Variants in PRKAR1B observed in about 807,000 individuals in gnomAD.
PRKAR1B encodes the protein cAMP-dependent protein kinase type I-beta regulatory subunit.
Under a neutral mutation model 46.5 loss-of-function variants are expected in PRKAR1B, and 22 were observed. The ratio of observed to expected loss-of-function variants is 0.47; its 90% CI spans 0.34 to 0.68. PRKAR1B has a LOEUF of 0.68. Ranked by LOEUF, PRKAR1B falls within the 30% of genes least tolerant of loss-of-function variation. The pLI is 0.01. For missense variants in PRKAR1B, 445 were observed against 535.6 expected, an observed-to-expected ratio of 0.83 and a Z score of 1.67; for synonymous variants, 259 against 217.7, an observed-to-expected ratio of 1.19 and a Z score of -1.67.
intron 9 of PRKAR1B, among the ~76,000 whole-genome samples, chr7:577,810 C>G (rs1047001447): frequency 3.9e-5 from 6 of 152,194 alleles, no homozygotes; most frequent in Non-Finnish European, 7.3e-5. Flanking sequence ...ATTCAAGGGC[C>G]AGCAGGAGGT....
At chr7:579,062 G>A (rs1780028899) in intron 9 of PRKAR1B, 194 bp downstream of exon 9, 4 of 985,356 alleles carry the variant, frequency 4.1e-6, no homozygotes, top group African/African-American at 1.7e-5. Flanking sequence ...TGATGCTAGA[G>A]GGCAGGAGGA....
At chr7:720,972 G>C (rs541877955) in intron 1 of PRKAR1B, among the ~76,000 whole-genome samples, 1 of 152,162 alleles carries the variant, frequency 6.6e-6, no homozygotes, top group African/African-American at 2.4e-5. Flanking sequence ...TAGGGCTTAC[G>C]CTTGCCATTT....
At chr7:572,662 G>A (rs1779586635) in intron 9 of PRKAR1B, among the ~76,000 whole-genome samples, 1 of 152,248 alleles carries the variant, frequency 6.6e-6, no homozygotes, top group Non-Finnish European at 1.5e-5. Flanking sequence ...GCAAGGCACA[G>A]CAGGCTGCCA....
At chr7:713,145 T>C (rs1476123156) in intron 1 of PRKAR1B, 1 of 152,450 alleles carries the variant, frequency 6.6e-6, no homozygotes, top group Non-Finnish European at 1.5e-5. Context: ...GGAAAGGGAA[T>C]CAACCTCATC....
intron 4 of PRKAR1B, among the ~76,000 whole-genome samples, chr7:647,805 CAAAAAAAAAAAA>C (rs769761277): frequency 1.0e-3 from 18 of 17,888 alleles, no homozygotes; most frequent in Non-Finnish European, 1.7e-3. Context: ...ACTTCGTCTC[CAAAAAAAAAAAA>C]AAAAAAAAAA....
intron 1 of PRKAR1B, among the ~76,000 whole-genome samples, chr7:717,750 T>G (rs549882815): frequency 1.3e-5 from 2 of 152,018 alleles, no homozygotes; most frequent in Non-Finnish European, 2.9e-5. Flanking sequence ...CACGGGAAAT[T>G]TTGCCACAAA....
chr7:646,660 C>T (rs1008066423), intron 4 of PRKAR1B, among the ~76,000 whole-genome samples: 1 of 152,218 alleles, frequency 6.6e-6, no homozygotes, highest in Non-Finnish European at 1.5e-5. Context: ...TCACGCTTCT[C>T]CCTCTGAACC....
At chr7:550,631 G>T (rs867210835) in intron 10 of PRKAR1B, 29 bp from the exon 11 acceptor site, 1 of 1,508,138 alleles carries the variant, frequency 6.6e-7, no homozygotes. Flanking sequence ...GGTCAGGGCT[G>T]GGCCTGGGGG....
intron 2 of PRKAR1B, among the ~76,000 whole-genome samples, chr7:697,364 C>T (rs1438258903): frequency 2.0e-5 from 3 of 151,738 alleles, no homozygotes; most frequent in African/African-American, 7.3e-5. Context: ...GTCCTGCCTG[C>T]GGCCCGGTTC....
chr7:551,523 G>A (rs1784195935), intron 9 of PRKAR1B, 53 bp from the exon 10 acceptor site: 1 of 1,522,154 alleles, frequency 6.6e-7, no homozygotes, highest in Non-Finnish European at 8.9e-7. Flanking sequence ...TGCAGGGTGG[G>A]ACACACGTGA....
chr7:580,961 G>T (rs191835558), intron 8 of PRKAR1B, among the ~76,000 whole-genome samples: 1 of 152,080 alleles, frequency 6.6e-6, no homozygotes, highest in Non-Finnish European at 1.5e-5. Context: ...CATAGGGAAG[G>T]GGGGCGAGGA....
At chr7:608,431 G>C (rs1172214049) in intron 4 of PRKAR1B, 4 of 152,278 alleles carry the variant, frequency 2.6e-5, no homozygotes, top group African/African-American at 9.6e-5. Flanking sequence ...CAAAGATCCA[G>C]ACAGCCCTGA....
intron 4 of PRKAR1B, among the ~76,000 whole-genome samples, chr7:673,076 A>AAAAAC (rs1409072522): frequency 1.8e-4 from 26 of 145,098 alleles, no homozygotes; most frequent in Middle Eastern, 3.7e-3. Context: ...AAAAAAAAAA[A>AAAAAC]AACACACACA....
At chr7:717,623 A>C (rs1370973962) in intron 1 of PRKAR1B, among the ~76,000 whole-genome samples, 2 of 150,974 alleles carry the variant, frequency 1.3e-5, no homozygotes, top group African/African-American at 4.9e-5. Context: ...GCGCCACTGC[A>C]CTCCAGCCTG....
rs375170253 is a variant in PRKAR1B, at chr7:593,318, C to T, written c.708+2828G>A. Among the ~76,000 whole-genome samples, 1 of 152,152 alleles carries T rather than the reference C, an allele frequency of 6.6e-6. No individual in the cohort carries two copies. Among genetic ancestry groups the T allele is most frequent in the African/African-American group, 2.4e-5 (1 of 41,436 alleles). On this transcript the variant is annotated intron_variant, in intron 7 of 10. Transcript: ENST00000537384. This position sits in a 1 kb window ranked among gnomAD's most constrained non-coding sequence, Gnocchi z 6.1. ...CCCCAGGTCCCAGCACGTCCCAGCTCGGGACTAAGGCAGAAACAGGAGCTG... is the reference window on the plus strand; with the variant it reads ...CCCCAGGTCCCAGCACGTCCCAGCTTGGGACTAAGGCAGAAACAGGAGCTG...
chr7:659,294 T>C (rs961221212), intron 4 of PRKAR1B, among the ~76,000 whole-genome samples: 1 of 152,216 alleles, frequency 6.6e-6, no homozygotes, highest in Non-Finnish European at 1.5e-5. Flanking sequence ...GTGTTGCGCA[T>C]GCAGTATCTT....
intron 3 of PRKAR1B, among the ~76,000 whole-genome samples, 173 bp from the exon 4 acceptor site, chr7:677,493 C>G (rs1019497059): frequency 6.6e-6 from 1 of 152,178 alleles, no homozygotes; most frequent in African/African-American, 2.4e-5. Context: ...GAGTCTTGAT[C>G]ACAGCTCACT....
At position 635,940 on chromosome 7, in the gene PRKAR1B, A is replaced by T. The variant is rs561397519; in HGVS notation, c.441-28488T>A. ...TTGTAAAAGTACCAGCACCGCGCCC[A>T]CACATCCTCCACCGGCCGCGCCCTC... On this transcript the variant is annotated intron_variant, in intron 4 of 10. Coordinates refer to ENST00000537384, the MANE Select transcript of PRKAR1B (RefSeq NM_001164760.2). Among the ~76,000 whole-genome samples, 169 of 142,696 alleles carry T rather than the reference A, an allele frequency of 1.2e-3. 2 individuals carry two copies. The highest frequency in any genetic ancestry group is 3.3e-3 in the African/African-American group (129 of 38,898). 93.6% of individuals were successfully genotyped at this position (142,696 alleles called of 152,430 possible). A position where few individuals can be genotyped will look rare whatever the true frequency, so the allele number is the denominator to read the frequency against.
intron 9 of PRKAR1B, among the ~76,000 whole-genome samples, chr7:563,996 C>T (rs780044248): frequency 3.3e-5 from 5 of 152,092 alleles, no homozygotes; most frequent in African/African-American, 9.7e-5. Flanking sequence ...CAGCCTGGCC[C>T]GGCTCCAGCC....
Sources: gnomAD v4.1 joint callset for allele counts (sites outside exome capture counted in the v4.1 genomes callset) on GRCh38, gnomAD v4.1.1 for gene constraint, Gnocchi (gnomAD v3.1) non-coding constraint, MANE v1.5 for transcripts, NCBI Gene and HGNC (gene_info 2026-07-23, HGNC 2026-07-21) for gene names.